TSHZ2: variants seen among roughly 807,000 people sequenced by gnomAD.
The protein encoded by TSHZ2 is teashirt zinc finger homeobox 2.
In TSHZ2, 21 loss-of-function variants were observed where a neutral mutation model predicts 74.4. That is an observed-to-expected ratio of 0.28 (90% CI 0.20 to 0.41). The LOEUF is 0.41. Ranked by LOEUF, TSHZ2 falls within the 10% of genes least tolerant of loss-of-function variation. The probability of loss-of-function intolerance (pLI) is 1.00; values close to 1 mark genes in which losing one functional copy is unlikely to be tolerated. For synonymous variants in TSHZ2, 540 were observed against 515.3 expected (o/e 1.05, Z -0.65); for missense variants, 1,244 against 1,293.5 (o/e 0.96, Z 0.59).
chr20:53,358,617 T>G (rs534253068), intron 2 of TSHZ2, among the ~76,000 whole-genome samples: 1 of 152,254 alleles, frequency 6.6e-6, no homozygotes, highest in East Asian at 1.9e-4. Context: ...AGTGCTGGGA[T>G]TACAGGCGTG....
At chr20:53,160,866 C>T (rs1987916059) in intron 1 of TSHZ2, among the ~76,000 whole-genome samples, 1 of 151,518 alleles carries the variant, frequency 6.6e-6, no homozygotes, top group South Asian at 2.1e-4. Context: ...GAATGTACAT[C>T]TTCATCTATA....
chr20:53,118,090 T>C (rs911417770), intron 1 of TSHZ2, among the ~76,000 whole-genome samples: 4 of 152,202 alleles, frequency 2.6e-5, no homozygotes, highest in African/African-American at 7.2e-5. Context: ...TTGATCGGCA[T>C]GCTTAGAGAA....
At chr20:53,338,567 C>T (rs569614368) in intron 2 of TSHZ2, among the ~76,000 whole-genome samples, 6 of 152,320 alleles carry the variant, frequency 3.9e-5, no homozygotes, top group South Asian at 2.1e-4. Flanking sequence ...TGCCTAGAGA[C>T]ATGGTTGATC....
chr20:53,442,115 G>A (rs1026615637), intron 2 of TSHZ2, among the ~76,000 whole-genome samples: 9 of 152,268 alleles, frequency 5.9e-5, no homozygotes, highest in African/African-American at 1.9e-4. Flanking sequence ...GAATGAGCAG[G>A]AATTTAGATT....
intron 2 of TSHZ2, among the ~76,000 whole-genome samples, chr20:53,466,939 G>A (rs1390880187): frequency 6.6e-6 from 1 of 152,152 alleles, no homozygotes; most frequent in Non-Finnish European, 1.5e-5. Flanking sequence ...AATAAATACT[G>A]GTTAGAGAAC....
chr20:53,303,736 C>T (rs960534720), intron 2 of TSHZ2, among the ~76,000 whole-genome samples: 1 of 152,210 alleles, frequency 6.6e-6, no homozygotes, highest in East Asian at 1.9e-4. Flanking sequence ...AGCAGCCTCT[C>T]TGTTCTTCAG....
intron 2 of TSHZ2, among the ~76,000 whole-genome samples, chr20:53,268,965 A>G (rs1332929183): frequency 2.6e-5 from 4 of 152,198 alleles, no homozygotes; most frequent in Admixed American, 6.5e-5. Context: ...CATCCCTAAA[A>G]TTCCAACTAA....
intron 2 of TSHZ2, among the ~76,000 whole-genome samples, chr20:53,332,338 G>A (rs1979758562): frequency 1.3e-5 from 2 of 152,142 alleles, no homozygotes; most frequent in South Asian, 2.1e-4. Flanking sequence ...AAAGAAGAAT[G>A]TCAAAGGCAA....
chr20:52,982,810 G>A (rs1981617826), intron 1 of TSHZ2, among the ~76,000 whole-genome samples: 1 of 152,138 alleles, frequency 6.6e-6, no homozygotes, highest in African/African-American at 2.4e-5. Context: ...TTCTCCAGTG[G>A]TGATTTGATC....
At chr20:53,420,828 C>G (rs1983441956) in intron 2 of TSHZ2, among the ~76,000 whole-genome samples, 1 of 152,172 alleles carries the variant, frequency 6.6e-6, no homozygotes, top group Non-Finnish European at 1.5e-5. Flanking sequence ...GCTGTACACC[C>G]CACTTTTGGA....
chr20:53,387,615 C>A (rs1162314941), intron 2 of TSHZ2, among the ~76,000 whole-genome samples: 1 of 152,192 alleles, frequency 6.6e-6, no homozygotes, highest in Non-Finnish European at 1.5e-5. Context: ...CAACCTGACA[C>A]TTGGACTCCC....
intron 2 of TSHZ2, among the ~76,000 whole-genome samples, chr20:53,443,275 G>T (rs574088333): frequency 6.6e-6 from 1 of 152,206 alleles, no homozygotes; most frequent in South Asian, 2.1e-4. Context: ...ACTCTGATAA[G>T]TGAGCTTAAT....
At chr20:53,022,869 C>T (rs953823170) in intron 1 of TSHZ2, among the ~76,000 whole-genome samples, 17 of 152,156 alleles carry the variant, frequency 1.1e-4, no homozygotes, top group African/African-American at 3.9e-4. Flanking sequence ...GCTCTGACTA[C>T]GTCTTTGATA....
At chr20:53,102,856 T>C (rs926838306) in intron 1 of TSHZ2, among the ~76,000 whole-genome samples, 2 of 151,814 alleles carry the variant, frequency 1.3e-5, no homozygotes, top group Non-Finnish European at 2.9e-5. Context: ...TTGTGGATTA[T>C]GACCAGCATC....
intron 2 of TSHZ2, among the ~76,000 whole-genome samples, chr20:53,389,671 G>A (rs16998025): frequency 0.012 from 1,897 of 152,306 alleles, 101 homozygotes; most frequent in Admixed American, 0.088. Flanking sequence ...TTGCCTACCC[G>A]CTTGCTTTGA....
At chr20:53,309,402 A>T (rs1978685510) in intron 2 of TSHZ2, among the ~76,000 whole-genome samples, 1 of 152,232 alleles carries the variant, frequency 6.6e-6, no homozygotes, top group African/African-American at 2.4e-5. Flanking sequence ...AAAAGAATTT[A>T]TCAAAAAGGA....
intron 1 of TSHZ2, among the ~76,000 whole-genome samples, chr20:53,073,288 CCATCCCTT>C (rs1203252270): frequency 7.0e-6 from 1 of 142,774 alleles, no homozygotes; most frequent in Non-Finnish European, 1.5e-5. Flanking sequence ...ATTCATCCAT[CCATCCCTT>C]CATCCATCCA....
chr20:53,383,190 G>T (rs111761951), intron 2 of TSHZ2, among the ~76,000 whole-genome samples: 2,997 of 151,902 alleles, frequency 0.02, 81 homozygotes, highest in African/African-American at 0.064. Flanking sequence ...CTGAACCTGG[G>T]AGGCAGCGGT....
intron 1 of TSHZ2, among the ~76,000 whole-genome samples, chr20:53,240,985 G>C (rs1990055824): frequency 1.3e-5 from 2 of 152,176 alleles, no homozygotes; most frequent in South Asian, 2.1e-4. Context: ...TCACCAGATA[G>C]TGCTGTCTTC....
Sources: gnomAD v4.1 joint callset for allele counts (sites outside exome capture counted in the v4.1 genomes callset) on GRCh38, gnomAD v4.1.1 for gene constraint, MANE v1.5 for transcripts, NCBI Gene and HGNC (gene_info 2026-07-23, HGNC 2026-07-21) for gene names.